INF2: variants seen among roughly 807,000 people sequenced by gnomAD.
INF2 encodes inverted formin-2.
Under a neutral mutation model 123.5 loss-of-function variants are expected in INF2, and 43 were observed. The observed-to-expected ratio is 0.35, with a 90% CI of 0.27 to 0.45. The LOEUF (loss-of-function observed/expected upper bound fraction) is 0.45, where lower values mean the gene tolerates loss of function less well. Among genes scored for constraint, INF2 ranks in the 20% least tolerant of loss-of-function variants. The pLI, the probability that INF2 is intolerant of heterozygous loss-of-function variation, is 1.00. For missense variants in INF2, 1,453 were observed against 1,682.7 expected (o/e 0.86, Z 2.39); for synonymous variants, 851 against 745.0 (o/e 1.14, Z -2.32).
chr14:104,687,430 C>T (rs1888690626), upstream of INF2, among the ~76,000 whole-genome samples: 2 of 151,726 alleles, frequency 1.3e-5, no homozygotes, highest in Admixed American at 1.3e-4. The surrounding 1 kb of genome is among the most constrained non-coding windows in gnomAD (Gnocchi z 5.6). Flanking sequence ...ACATTTCCAC[C>T]CTCCCAGACC....
intron 1 of INF2, among the ~76,000 whole-genome samples, chr14:104,695,386 C>T (rs1248638219): frequency 1.3e-5 from 2 of 152,176 alleles, no homozygotes; most frequent in African/African-American, 4.8e-5. Context: ...ACCAGGCCCT[C>T]AGGGAGCACC....
Position 104,689,732 on chromosome 14 carries a change from C to T in INF2, c.-17C>T, listed in dbSNP as rs2140590404. On this transcript the variant is annotated 5_prime_UTR_variant, in exon 1 of 23. Transcript: ENST00000392634. ...CGCACCACCGCCCTCTGGCCGTTGC[C>T]TCACCGGGTAAGTCCTTGGCCTCGG... 2 of 985,204 alleles carry T rather than the reference C, an allele frequency of 2.0e-6. No homozygotes were observed. The highest frequency in any genetic ancestry group is 6.1e-5 in the Admixed American group (1 of 16,262). 61.0% of individuals were successfully genotyped at this position (985,204 alleles called of 1,614,324 possible).
chr14:104,705,970 G>C (rs1164391460), intron 5 of INF2, 65 bp from the exon 6 acceptor site: 1 of 1,577,152 alleles, frequency 6.3e-7, no homozygotes, highest in African/African-American at 1.3e-5. Context: ...GCTGACCCAG[G>C]CTGCCCCGCC....
At chr14:104,712,030 G>A (rs969702205) in intron 16 of INF2, among the ~76,000 whole-genome samples, 5 of 152,152 alleles carry the variant, frequency 3.3e-5, no homozygotes, top group African/African-American at 2.4e-5. Context: ...TCATTGTATA[G>A]ATGAGGAAAC....
chr14:104,702,038 C>T (rs143565525), intron 2 of INF2, among the ~76,000 whole-genome samples: 4 of 152,278 alleles, frequency 2.6e-5, no homozygotes, highest in African/African-American at 7.2e-5. Flanking sequence ...CCTTCCTCCC[C>T]GTCCTGTGCT....
intron 22 of INF2, 125 bp from the exon 23 acceptor site, chr14:104,718,670 G>T: frequency 6.6e-7 from 1 of 1,517,650 alleles, no homozygotes. Context: ...GACCTGCGAT[G>T]CATGGCACAA....
intron 1 of INF2, among the ~76,000 whole-genome samples, chr14:104,694,218 G>A (rs1385179053): frequency 6.6e-6 from 1 of 152,236 alleles, no homozygotes; most frequent in African/African-American, 2.4e-5. Context: ...AGAGCTACGG[G>A]GCCCTGGAGA....
Position 104,721,249 on chromosome 14 carries a change from C to G in INF2, c.*2456C>G, listed in dbSNP as rs1244206319. 7.9e-6 allele frequency: 1 copy of G among 126,142 alleles called. No individual in the cohort carries two copies. The highest frequency in any genetic ancestry group is 1.7e-5 in the Non-Finnish European group (1 of 60,182). 7.8% of individuals were successfully genotyped at this position (126,142 alleles called of 1,614,324 possible). A position where few individuals can be genotyped will look rare whatever the true frequency, so the allele number is the denominator to read the frequency against. ...CTGCGTCGTCCTCGTGTGGATGCTG[C>G]TGTGGACGTCTGCGTAGTCTCGTGT... On this transcript the variant is annotated 3_prime_UTR_variant, in exon 23 of 23. Coordinates refer to ENST00000392634, the MANE Select transcript of INF2 (RefSeq NM_022489.4).
chr14:104,689,111 A>G (rs2140586764), upstream of INF2: 4 of 705,696 alleles, frequency 5.7e-6, no homozygotes, highest in Non-Finnish European at 7.0e-6. Flanking sequence ...AGGAGGCCAC[A>G]TGGGTGGCCT....
rs1020914793 is a variant in INF2 at position 104,699,220 on chromosome 14, G to T, written c.-9-2137G>T. Among the ~76,000 whole-genome samples, 1 of 152,110 alleles carries T rather than the reference G, an allele frequency of 6.6e-6. No individual in the cohort carries two copies. Among genetic ancestry groups the T allele is most frequent in the Non-Finnish European group, 1.5e-5 (1 of 68,020 alleles). ...GACCCCCGGGGCTCTTGGCTGGAGA[G>T]GACACTCTGGATGCCAGGGGCCGGG... On this transcript the variant is annotated intron_variant, in intron 1 of 22. Transcript: ENST00000392634. The surrounding 1 kb of genome is among the most constrained non-coding windows in gnomAD (Gnocchi z 4.7).
upstream of INF2, among the ~76,000 whole-genome samples, chr14:104,689,439 G>A (rs984019767): frequency 5.3e-5 from 8 of 152,060 alleles, no homozygotes; most frequent in Admixed American, 4.6e-4. Flanking sequence ...GGTTATTCAC[G>A]GGAGTGGGGA....
chr14:104,711,256 G>C (rs1890033537), intron 15 of INF2, 70 bp downstream of exon 15: 1 of 1,306,592 alleles, frequency 7.7e-7, no homozygotes, highest in African/African-American at 1.5e-5. Context: ...TAGAGGCGTA[G>C]AGGCCATACC....
In INF2 at chr14:104,714,385, C is replaced by G; in HGVS notation, c.3223C>G (p.Arg1075Gly). Residue 1075 changes from arginine (R) to glycine (G), a missense_variant, in exon 21 of 23, where the codon CGT becomes GGT. Coordinates refer to ENST00000392634, the MANE Select transcript of INF2 (RefSeq NM_022489.4). ...GGGTGGTCCACGGCCCCTGGAGAGGCGTTCTTCCTGGTATGTGGATGCCAG... is the reference window on the plus strand; with the variant it reads ...GGGTGGTCCACGGCCCCTGGAGAGGGGTTCTTCCTGGTATGTGGATGCCAG... ...EEGGPRPLER[R>G]SSWYVDASDV... The G allele has an allele frequency of 1.2e-6, 2 of 1,600,908 alleles. No individual in the cohort carries two copies. Among genetic ancestry groups the G allele is most frequent in the Non-Finnish European group, 1.7e-6 (2 of 1,174,266 alleles).
rs952003452 is a variant in INF2, at chr14:104,707,912, G to A, written c.1645G>A (p.Ala549Thr). 6.2e-7 allele frequency: 1 copy of A among 1,603,210 alleles called. No individual in the cohort carries two copies. Among genetic ancestry groups the A allele is most frequent in the East Asian group, 2.2e-5 (1 of 44,806 alleles). Reference protein sequence around the residue: ...VAQVDHGLGSAWVPSHRRVNP... With the variant: ...VAQVDHGLGSTWVPSHRRVNP... ...CCAGGTGGACCATGGCTTGGGCTCA[G>A]CATGGGTCCCCAGCCATCGGCGGGT... Residue 549 changes from alanine to threonine, a missense_variant, in exon 8 of 23, where the codon GCA becomes ACA. Transcript: ENST00000392634.
upstream of INF2, among the ~76,000 whole-genome samples, chr14:104,688,292 A>C (rs1156852959): frequency 1.3e-5 from 2 of 152,238 alleles, no homozygotes; most frequent in East Asian, 3.9e-4. Context: ...GCTGCTGGGC[A>C]GGGCAAGGTC....
intron 1 of INF2, among the ~76,000 whole-genome samples, chr14:104,682,815 C>G (rs533872075): frequency 1.3e-5 from 2 of 152,154 alleles, no homozygotes; most frequent in Admixed American, 1.3e-4. Context: ...CCTCACGTCC[C>G]CCCCGGACAA....
chr14:104,711,786 C>A, intron 16 of INF2, 87 bp downstream of exon 16: 1 of 1,269,028 alleles, frequency 7.9e-7, no homozygotes, highest in Non-Finnish European at 1.1e-6. Flanking sequence ...CCCGCCAGGG[C>A]TGGGTCTCAC....
At position 104,707,698 on chromosome 14, in the gene INF2, AC is replaced by A; in HGVS notation, c.1433del (p.Pro478HisfsTer80). ...TGGCCCCCCCAGCACCTCCTCTACC[AC>A]CACCCCTGCCAGGCTCCTGTGAGTT... Reference protein sequence around the residue: ...AMAPPAPPLPPPLPGSCEFLP... With the variant: ...AMAPPAPPLPXPLPGSCEFLP... On this transcript the variant is annotated frameshift_variant, in exon 8 of 23. Transcript: ENST00000392634. LOFTEE classifies it high-confidence loss of function. The A allele has an allele frequency of 1.5e-6, 1 of 659,220 alleles. No individual in the cohort carries two copies. Among genetic ancestry groups the A allele is most frequent in the Non-Finnish European group, 2.1e-6 (1 of 472,980 alleles). 40.8% of individuals were successfully genotyped at this position (659,220 alleles called of 1,614,324 possible).
chr14:104,710,814 G>A, intron 13 of INF2, 123 bp from the exon 14 acceptor site: 1 of 810,784 alleles, frequency 1.2e-6, no homozygotes, highest in Non-Finnish European at 2.0e-6. Flanking sequence ...TTCCGGTGCT[G>A]GGCTGAGCCT....
Sources: gnomAD v4.1 joint callset for allele counts (sites outside exome capture counted in the v4.1 genomes callset) on GRCh38, gnomAD v4.1.1 for gene constraint, Gnocchi (gnomAD v3.1) non-coding constraint, MANE v1.5 for transcripts, NCBI Gene and HGNC (gene_info 2026-07-23, HGNC 2026-07-21) for gene names.